The following PEAK1 variants were observed in gnomAD, a reference collection of about 807,000 sequenced individuals.
PEAK1 encodes inactive tyrosine-protein kinase PEAK1.
PEAK1 carries 54 observed loss-of-function variants against 124.7 expected under a neutral mutation model. The ratio of observed to expected loss-of-function variants is 0.43; its 90% CI spans 0.35 to 0.54. PEAK1 has a LOEUF of 0.54. Among genes scored for constraint, PEAK1 ranks in the 20% least tolerant of loss-of-function variants. The probability of loss-of-function intolerance (pLI) is 0.01; values close to 1 mark genes in which losing one functional copy is unlikely to be tolerated. For synonymous variants in PEAK1, 719 were observed against 760.0 expected, an observed-to-expected ratio of 0.95 and a Z score of 0.89; for missense variants, 2,046 against 2,134.5, an observed-to-expected ratio of 0.96 and a Z score of 0.82.
chr15:77,120,473 C>G (rs1054862145), intron 9 of PEAK1, among the ~76,000 whole-genome samples: 2 of 152,194 alleles, frequency 1.3e-5, no homozygotes, highest in Non-Finnish European at 2.9e-5. Context: ...GGATGAGAAA[C>G]CAAATTCACT....
intron 8 of PEAK1, among the ~76,000 whole-genome samples, chr15:77,140,453 T>C (rs961257867): frequency 1.8e-4 from 28 of 152,062 alleles, no homozygotes; most frequent in African/African-American, 6.8e-4. Flanking sequence ...AATCAATCAA[T>C]GTAATATACC....
chr15:77,226,055 A>G (rs1294597216), intron 6 of PEAK1, among the ~76,000 whole-genome samples: 1 of 24,596 alleles, frequency 4.1e-5, no homozygotes, highest in African/African-American at 1.1e-4. Flanking sequence ...ATATATATAT[A>G]TATATATATA....
At chr15:77,407,482 A>G (rs1449862962) in intron 1 of PEAK1, among the ~76,000 whole-genome samples, 1 of 152,216 alleles carries the variant, frequency 6.6e-6, no homozygotes, top group Non-Finnish European at 1.5e-5. Context: ...TCTCAAAAGA[A>G]GGTATACAAA....
intron 7 of PEAK1, among the ~76,000 whole-genome samples, chr15:77,167,002 G>A (rs1485120181): frequency 6.6e-6 from 1 of 152,188 alleles, no homozygotes; most frequent in Admixed American, 6.5e-5. Context: ...TAGCTTTGGG[G>A]CATTGCCCAG....
chr15:77,157,763 C>T lies in PEAK1; in HGVS notation c.3331+740G>A, dbSNP rs115587137. ...CTCAAATCTGTCTACTGTCCCCCCT[C>T]CCACTATCTTAGTTGAGGCCTCCCT... is the stretch of plus-strand genomic sequence containing the variant. On this transcript the variant is annotated intron_variant, in intron 8 of 9. Coordinates refer to ENST00000682557, the MANE Select transcript of PEAK1 (RefSeq NM_001385026.1). The T allele has an allele frequency of 4.3e-3, 655 of 152,344 alleles. 1 individual carries two copies. Among genetic ancestry groups the T allele is most frequent in the African/African-American group, 0.013 (558 of 41,562 alleles). 9.4% of individuals were successfully genotyped at this position (152,344 alleles called of 1,614,324 possible).
chr15:77,238,243 T>G lies in PEAK1; in HGVS notation c.-115+14124A>C, dbSNP rs575803799. Among the ~76,000 whole-genome samples the G allele has an allele frequency of 1.4e-3, 207 of 152,318 alleles. 1 individual carries two copies. The highest frequency in any genetic ancestry group is 4.9e-3 in the African/African-American group (202 of 41,586). The stretch of plus-strand genomic sequence containing the variant: ...ACAAAATTATTTTCCCAAAGAATTT[T>G]AAAATATACTATCCCACTATCTTTT... On this transcript the variant is annotated intron_variant, in intron 6 of 9. Coordinates refer to ENST00000682557, the MANE Select transcript of PEAK1 (RefSeq NM_001385026.1).
intron 2 of PEAK1, chr15:77,353,087 G>T: frequency 3.3e-6 from 2 of 598,674 alleles, no homozygotes; most frequent in Non-Finnish European, 4.2e-6. Context: ...CATGGAAGCA[G>T]CAAACACATG....
Position 77,179,368 on chromosome 15 carries a change from G to C in PEAK1, c.2559C>G (p.Pro853=), listed in dbSNP as rs754466715. ...QKDPSIKPVT[P]SPSKLVTSPQ... ...GGCTAGTCACTAATTTGGAGGGAGA[G>C]GGGGTGACTGGCTTTATGGATGGGT... is the stretch of plus-strand genomic sequence containing the variant. Residue 853 remains proline, a synonymous_variant, in exon 7 of 10, where the codon CCC becomes CCG. Coordinates refer to ENST00000682557, the MANE Select transcript of PEAK1 (RefSeq NM_001385026.1). 16 of 1,614,084 alleles carry C rather than the reference G, an allele frequency of 9.9e-6. No homozygotes were observed. The highest frequency in any genetic ancestry group is 1.4e-5 in the Non-Finnish European group (16 of 1,180,012).
Position 77,179,833 on chromosome 15 carries a change from T to G in PEAK1, c.2094A>C (p.Lys698Asn). 1 of 1,614,136 alleles carries G rather than the reference T, an allele frequency of 6.2e-7. No individual in the cohort carries two copies. The highest frequency in any genetic ancestry group is 1.7e-5 in the Admixed American group (1 of 60,016). Residue 698 changes from lysine to asparagine, a missense_variant, in exon 7 of 10, where the codon AAA becomes AAC. Coordinates refer to ENST00000682557, the MANE Select transcript of PEAK1 (RefSeq NM_001385026.1). ...GAACCTTCTGAGCCACTGAGCCCCT[T>G]TTATGCTCTGTGCTGTTTGAAAACC... ...TKGFSNSTEH[K>N]RGSVAQKVQE...
chr15:77,254,643 G>C (rs2061041217), intron 5 of PEAK1, among the ~76,000 whole-genome samples: 1 of 152,064 alleles, frequency 6.6e-6, no homozygotes, highest in Non-Finnish European at 1.5e-5. Flanking sequence ...ACATTGCCTA[G>C]GCTAGTCCTG....
chr15:77,162,882 C>G (rs183111807), intron 7 of PEAK1, among the ~76,000 whole-genome samples: 39 of 152,198 alleles, frequency 2.6e-4, no homozygotes, highest in Non-Finnish European at 4.1e-4. Flanking sequence ...TATGTTAGCA[C>G]GTCTTAAAAT....
chr15:77,355,773 G>A, intron 2 of PEAK1: 2 of 985,318 alleles, frequency 2.0e-6, no homozygotes, highest in Non-Finnish European at 2.4e-6. Context: ...AGAAGGCTGA[G>A]AAAAAGTTTA....
intron 2 of PEAK1, among the ~76,000 whole-genome samples, chr15:77,292,615 A>G (rs2063281144): frequency 6.6e-6 from 1 of 152,150 alleles, no homozygotes; most frequent in African/African-American, 2.4e-5. Context: ...TTGTCCAACT[A>G]CAGCTGAGAA....
intron 2 of PEAK1, among the ~76,000 whole-genome samples, chr15:77,302,732 C>T (rs988154703): frequency 3.3e-5 from 5 of 152,082 alleles, no homozygotes; most frequent in African/African-American, 1.2e-4. Flanking sequence ...GACTCTTTTG[C>T]CACATTTTGC....
intron 1 of PEAK1, among the ~76,000 whole-genome samples, chr15:77,370,463 A>G (rs944254940): frequency 2.0e-5 from 3 of 152,352 alleles, no homozygotes; most frequent in Non-Finnish European, 4.4e-5. Context: ...GAAAGAGCAG[A>G]GAAGAAAAAG....
intron 6 of PEAK1, among the ~76,000 whole-genome samples, chr15:77,245,935 T>C (rs987801837): frequency 1.3e-5 from 2 of 152,146 alleles, no homozygotes; most frequent in African/African-American, 4.8e-5. Flanking sequence ...GAATTGTTTT[T>C]GGCTTTCTAG....
At chr15:77,202,758 G>C (rs2058430322) in intron 6 of PEAK1, among the ~76,000 whole-genome samples, 1 of 150,618 alleles carries the variant, frequency 6.6e-6, no homozygotes, top group Non-Finnish European at 1.5e-5. Flanking sequence ...GACAGAGTGA[G>C]ACTCCATCTC....
At chr15:77,403,793 T>C in intron 1 of PEAK1, 1 of 980,312 alleles carries the variant, frequency 1.0e-6, no homozygotes, top group Non-Finnish European at 1.2e-6. Context: ...ACAAACTCAA[T>C]TTAAAAAAAA....
intron 8 of PEAK1, among the ~76,000 whole-genome samples, chr15:77,140,928 C>T (rs1480782548): frequency 6.6e-6 from 1 of 152,034 alleles, no homozygotes; most frequent in Non-Finnish European, 1.5e-5. Context: ...GTCTCAAACT[C>T]CTGAGCTCAA....
Sources: gnomAD v4.1 joint callset for allele counts (sites outside exome capture counted in the v4.1 genomes callset) on GRCh38, gnomAD v4.1.1 for gene constraint, MANE v1.5 for transcripts, NCBI Gene and HGNC (gene_info 2026-07-23, HGNC 2026-07-21) for gene names.